ADGRV1: variants seen among roughly 807,000 people sequenced by gnomAD.
ADGRV1 encodes the protein adhesion G protein-coupled receptor V1.
In ADGRV1, 359 loss-of-function variants were observed where a neutral mutation model predicts 596.2. The observed-to-expected ratio is 0.60, with a 90% CI of 0.55 to 0.66. ADGRV1 has a LOEUF of 0.66. ADGRV1 is among the 30% of genes least tolerant of loss of function. The probability of loss-of-function intolerance (pLI) is 0.00; values close to 1 mark genes in which losing one functional copy is unlikely to be tolerated. For missense variants in ADGRV1, 7,274 were observed against 7,575.6 expected, an observed-to-expected ratio of 0.96 and a Z score of 1.48; for synonymous variants, 2,681 against 2,679.2, an observed-to-expected ratio of 1.00 and a Z score of -0.02.
At chr5:90,902,521 A>G (rs1771940086) in intron 83 of ADGRV1, among the ~76,000 whole-genome samples, 1 of 152,052 alleles carries the variant, frequency 6.6e-6, no homozygotes, top group South Asian at 2.1e-4. Flanking sequence ...CCATTCATAT[A>G]TTTGCTCTGC....
chr5:90,842,173 T>C (rs1156404876), intron 78 of ADGRV1, among the ~76,000 whole-genome samples: 1 of 152,192 alleles, frequency 6.6e-6, no homozygotes, highest in Non-Finnish European at 1.5e-5. Flanking sequence ...ATAAGTTATG[T>C]ATGTTAACCA....
chr5:90,941,208 A>G (rs1640590464), intron 83 of ADGRV1, among the ~76,000 whole-genome samples: 1 of 152,178 alleles, frequency 6.6e-6, no homozygotes, highest in Admixed American at 6.5e-5. Flanking sequence ...ATATCTAGTT[A>G]CAATATTGTA....
intron 1 of ADGRV1, among the ~76,000 whole-genome samples, chr5:90,608,146 G>GAT (rs1258480786): frequency 8.6e-5 from 13 of 151,916 alleles, no homozygotes; most frequent in Non-Finnish European, 1.6e-4. Flanking sequence ...CGGTAATTAA[G>GAT]ATATAAGGAA....
At chr5:90,603,959 G>A (rs1389221657) in intron 1 of ADGRV1, among the ~76,000 whole-genome samples, 7 of 147,750 alleles carry the variant, frequency 4.7e-5, no homozygotes, top group Admixed American at 2.7e-4. Flanking sequence ...CTGGTTTTCC[G>A]CCTCTGAATG....
chr5:90,621,360 G>T (rs1200839271), intron 4 of ADGRV1, among the ~76,000 whole-genome samples: 1 of 152,132 alleles, frequency 6.6e-6, no homozygotes, highest in African/African-American at 2.4e-5. Flanking sequence ...CAGTATCTTT[G>T]TTAAAAAGGG....
Position 90,703,768 on chromosome 5 carries a change from C to G in ADGRV1, c.8259C>G (p.Asn2753Lys), listed in dbSNP as rs990626464. Residue 2753 changes from asparagine to lysine, a missense_variant, in exon 35 of 90, where the codon AAC becomes AAG. Coordinates refer to ENST00000405460, the MANE Select transcript of ADGRV1 (RefSeq NM_032119.4). The stretch of plus-strand genomic sequence containing the variant: ...AAAATCTAGAACTCAATTTTGCTAA[C>G]TTTAGCGGACAACTTTTCTTTCCTG... ...IGQNLELNFA[N>K]FSGQLFFPEG... 3 of 1,600,140 alleles carry G rather than the reference C, an allele frequency of 1.9e-6. No individual in the cohort carries two copies. The highest frequency in any genetic ancestry group is 3.4e-5 in the Admixed American group (2 of 58,096).
At chr5:90,761,773 C>A (rs749076491) in intron 58 of ADGRV1, among the ~76,000 whole-genome samples, 2 of 152,134 alleles carry the variant, frequency 1.3e-5, no homozygotes, top group African/African-American at 4.8e-5. Flanking sequence ...GTAAAGCATG[C>A]GTGCTTGAGC....
intron 87 of ADGRV1, among the ~76,000 whole-genome samples, chr5:91,105,521 A>C (rs1208170596): frequency 6.6e-6 from 1 of 152,164 alleles, no homozygotes; most frequent in Non-Finnish European, 1.5e-5. Context: ...TTTTGATGAT[A>C]GTCATCCTAA....
intron 34 of ADGRV1, among the ~76,000 whole-genome samples, chr5:90,699,453 G>A (rs1016734621): frequency 6.6e-6 from 1 of 152,104 alleles, no homozygotes; most frequent in Admixed American, 6.6e-5. Flanking sequence ...CAAAGTATTA[G>A]TGGTATGGAA....
At chr5:90,782,875 C>G (rs1442331020) in intron 65 of ADGRV1, among the ~76,000 whole-genome samples, 2 of 152,102 alleles carry the variant, frequency 1.3e-5, no homozygotes, top group Non-Finnish European at 2.9e-5. Context: ...GCCAATGCTA[C>G]TGATTAAATA....
At chr5:91,046,322 A>G (rs938962040) in intron 85 of ADGRV1, among the ~76,000 whole-genome samples, 16 of 152,220 alleles carry the variant, frequency 1.1e-4, no homozygotes, top group African/African-American at 3.9e-4. Context: ...AAATAGGCAC[A>G]TAGACCAATG....
Position 90,880,275 on chromosome 5 carries a change from TA to T in ADGRV1, c.17856+16424del, listed in dbSNP as rs570462183. 8.5e-5 allele frequency among the ~76,000 whole-genome samples: 13 copies of T among 152,300 alleles called. No individual in the cohort carries two copies. The South Asian group carries it at 2.5e-3, about 29-fold the overall frequency. ...CCACTAAATTACAAACACAGGTGTA[TA>T]AAAAATGTGTGTATAAATATGTATA... On this transcript the variant is annotated intron_variant, in intron 83 of 89. Coordinates refer to ENST00000405460, the MANE Select transcript of ADGRV1 (RefSeq NM_032119.4).
At chr5:91,079,420 T>A (rs1007299323) in intron 86 of ADGRV1, among the ~76,000 whole-genome samples, 3 of 152,212 alleles carry the variant, frequency 2.0e-5, no homozygotes, top group Admixed American at 1.3e-4. Flanking sequence ...CCTCGAAGAT[T>A]CATATCAGAA....
At chr5:90,923,953 C>A (rs1249163586) in intron 83 of ADGRV1, among the ~76,000 whole-genome samples, 1 of 151,964 alleles carries the variant, frequency 6.6e-6, no homozygotes, top group Non-Finnish European at 1.5e-5. Context: ...CTACAAAGGA[C>A]ATGAACTCCT....
chr5:90,568,875 T>A (rs1469990259), intron 1 of ADGRV1, among the ~76,000 whole-genome samples: 1 of 152,230 alleles, frequency 6.6e-6, no homozygotes, highest in Non-Finnish European at 1.5e-5. Flanking sequence ...TCCTTCTTTG[T>A]CTGTAGCAAC....
chr5:91,126,947 C>T (rs943239409), intron 87 of ADGRV1, among the ~76,000 whole-genome samples: 2 of 152,210 alleles, frequency 1.3e-5, no homozygotes, highest in Admixed American at 6.5e-5. Flanking sequence ...TGAAGACAGG[C>T]ATCCAGCCTT....
chr5:90,596,179 A>G (rs1206539189), intron 1 of ADGRV1, among the ~76,000 whole-genome samples: 1 of 140,236 alleles, frequency 7.1e-6, no homozygotes, highest in Non-Finnish European at 1.5e-5. Flanking sequence ...CGCTCCCCAC[A>G]TCCCAGACGA....
chr5:90,967,317 T>C (rs1778561695), intron 84 of ADGRV1, among the ~76,000 whole-genome samples: 1 of 152,206 alleles, frequency 6.6e-6, no homozygotes, highest in Admixed American at 6.5e-5. Context: ...ATTAATATTT[T>C]ATAGCTCTTT....
chr5:90,895,293 G>T (rs1195175274), intron 83 of ADGRV1, among the ~76,000 whole-genome samples: 1 of 152,078 alleles, frequency 6.6e-6, no homozygotes. Context: ...GAATGAAGGG[G>T]TACATAAACA....
Sources: gnomAD v4.1 joint callset for allele counts (sites outside exome capture counted in the v4.1 genomes callset) on GRCh38, gnomAD v4.1.1 for gene constraint, MANE v1.5 for transcripts, NCBI Gene and HGNC (gene_info 2026-07-23, HGNC 2026-07-21) for gene names.